The following NDE1 variants were observed in gnomAD, a reference collection of about 807,000 sequenced individuals.
NDE1 encodes nudE neurodevelopment protein 1.
In NDE1, 28 loss-of-function variants were observed where a neutral mutation model predicts 43.4. That is an observed-to-expected ratio of 0.65 (90% CI 0.48 to 0.89). The LOEUF is 0.89. NDE1 is among the 40% of genes least tolerant of loss of function. The pLI is 0.00. For missense variants in NDE1, 441 were observed against 434.1 expected, an observed-to-expected ratio of 1.02 and a Z score of -0.14; for synonymous variants, 184 against 172.0, an observed-to-expected ratio of 1.07 and a Z score of -0.55.
In NDE1 at chr16:15,667,631, TG is replaced by T. The variant is rs202059017; in HGVS notation, c.237+193del. 2.3e-4 allele frequency among the ~76,000 whole-genome samples: 33 copies of T among 142,256 alleles called. 5 individuals carry two copies. The highest frequency in any genetic ancestry group is 3.4e-4 in the African/African-American group (13 of 38,236). 93.3% of individuals were successfully genotyped at this position (142,256 alleles called of 152,430 possible). A position where few individuals can be genotyped will look rare whatever the true frequency, so the allele number is the denominator to read the frequency against. On this transcript the variant is annotated intron_variant, in intron 3 of 8. Transcript: ENST00000396354. The stretch of plus-strand genomic sequence containing the variant: ...CTCTAGTGGGTGGTGCTTTTTGTTT[TG>T]TTTTTTTTTTTTTTTTGAGATGGAG...
chr16:15,655,792 T>C (rs1277782120), intron 1 of NDE1, among the ~76,000 whole-genome samples: 2 of 151,890 alleles, frequency 1.3e-5, no homozygotes, highest in Admixed American at 6.6e-5. Flanking sequence ...TGGAATACTA[T>C]GCAGCCATAA....
At chr16:15,665,461 T>TG (rs2037254309) in intron 2 of NDE1, among the ~76,000 whole-genome samples, 2 of 151,926 alleles carry the variant, frequency 1.3e-5, no homozygotes, top group South Asian at 4.1e-4. Flanking sequence ...TCTTTTTTTT[T>TG]TGAGACAGAG....
chr16:15,693,729 C>T (rs2038869467), intron 6 of NDE1, among the ~76,000 whole-genome samples: 1 of 152,084 alleles, frequency 6.6e-6, no homozygotes, highest in African/African-American at 2.4e-5. Flanking sequence ...CATTTGAGGT[C>T]AAGAGTTCGA....
intron 8 of NDE1, among the ~76,000 whole-genome samples, chr16:15,711,939 T>C (rs1198909737): frequency 1.3e-5 from 2 of 152,186 alleles, no homozygotes; most frequent in African/African-American, 4.8e-5. Flanking sequence ...GTGATCAGCC[T>C]GCGTTGGCCT....
intron 8 of NDE1, among the ~76,000 whole-genome samples, chr16:15,698,063 A>G (rs1032745740): frequency 8.6e-5 from 13 of 152,022 alleles, no homozygotes; most frequent in African/African-American, 2.4e-4. Context: ...CGGCCTCTCA[A>G]AGTGCTGGGA....
Position 15,724,230 on chromosome 16 carries a change from C to T in NDE1, c.987C>T (p.Thr329=), listed in dbSNP as rs373591888. ...TSCRWLSKST[T]RSSSSC is the part of the protein sequence containing the mutation. ...GCCGCTGGTTGTCCAAATCAACAACCAGGTCGTCCAGCTCCTGCTGAAGCC... is the reference window on the plus strand; with the variant it reads ...GCCGCTGGTTGTCCAAATCAACAACTAGGTCGTCCAGCTCCTGCTGAAGCC... Residue 329 remains threonine, a synonymous_variant, in exon 9 of 9, where the codon ACC becomes ACT. Coordinates refer to ENST00000396354, the MANE Select transcript of NDE1 (RefSeq NM_017668.3). The T allele has an allele frequency of 4.3e-5, 69 of 1,614,082 alleles. No homozygotes were observed. The highest frequency in any genetic ancestry group is 9.9e-5 in the South Asian group (9 of 91,082).
At chr16:15,695,568 A>AGG in intron 7 of NDE1, 1 of 984,986 alleles carries the variant, frequency 1.0e-6, no homozygotes, top group Non-Finnish European at 1.2e-6. Context: ...TGTTAATTAC[A>AGG]GGGAGGGATC....
At chr16:15,679,185 C>G (rs972727267) in intron 4 of NDE1, among the ~76,000 whole-genome samples, 1 of 152,160 alleles carries the variant, frequency 6.6e-6, no homozygotes, top group Non-Finnish European at 1.5e-5. Context: ...GGCTGGAGGG[C>G]AGTGGTGCCA....
upstream of NDE1, among the ~76,000 whole-genome samples, chr16:15,645,569 C>G (rs2151378411): frequency 6.6e-6 from 1 of 152,288 alleles, no homozygotes; most frequent in South Asian, 2.1e-4. Context: ...TTGCTGCTTT[C>G]TAAAGACTAG....
chr16:15,706,965 T>C (rs1596669627), intron 8 of NDE1, among the ~76,000 whole-genome samples: 1 of 152,176 alleles, frequency 6.6e-6, no homozygotes, highest in African/African-American at 2.4e-5. Flanking sequence ...TAGACCAAGG[T>C]TGACACCAAC....
At chr16:15,659,588 C>T (rs2151420884) in intron 1 of NDE1, among the ~76,000 whole-genome samples, 1 of 151,478 alleles carries the variant, frequency 6.6e-6, no homozygotes, top group Non-Finnish European at 1.5e-5. Context: ...AGGCGCACAC[C>T]ACCATGCCCG....
intron 4 of NDE1, among the ~76,000 whole-genome samples, chr16:15,685,488 C>T (rs2038393548): frequency 1.3e-5 from 2 of 152,172 alleles, no homozygotes; most frequent in East Asian, 1.9e-4. Context: ...GGGCCTCAAG[C>T]GGTCCTCACA....
chr16:15,709,683 A>G (rs2039670644), intron 8 of NDE1, among the ~76,000 whole-genome samples: 3 of 152,206 alleles, frequency 2.0e-5, no homozygotes, highest in African/African-American at 7.2e-5. Flanking sequence ...TATAAATCCC[A>G]TGATTGCATA....
chr16:15,720,959 G>A (rs774986757), intron 8 of NDE1: 1 of 1,614,008 alleles, frequency 6.2e-7, no homozygotes, highest in South Asian at 1.1e-5. Context: ...CGTCCTCCGT[G>A]GCTTGCAGCT....
intron 1 of NDE1, among the ~76,000 whole-genome samples, chr16:15,660,211 C>T (rs1307089708): frequency 6.6e-6 from 1 of 152,090 alleles, no homozygotes; most frequent in African/African-American, 2.4e-5. Context: ...GGTGTGGTGG[C>T]TCACACCTAG....
In NDE1 at chr16:15,717,193, C is replaced by G; in HGVS notation, c.948-6998C>G. ...GCTGTGCAATCTTGGCCTCCAGCGC[C>G]GCGATGGTGGACTTGAACTTGGACT... On this transcript the variant is annotated intron_variant, in intron 8 of 8. Transcript: ENST00000396354. 6.2e-7 allele frequency: 1 copy of G among 1,614,180 alleles called. No homozygotes were observed. The highest frequency in any genetic ancestry group is 8.5e-7 in the Non-Finnish European group (1 of 1,180,038).
At position 15,667,485 on chromosome 16, in the gene NDE1, A is replaced by G. The variant is rs1456421042; in HGVS notation, c.237+46A>G. 8 of 1,608,848 alleles carry G rather than the reference A, an allele frequency of 5.0e-6. No individual in the cohort carries two copies. The Admixed American group carries it at 5.0e-5, about 10-fold the overall frequency. ...GTGCTCAGGTGTAGACAGGCGTCCA[A>G]CACAGGCATGGCATGCTTGGCTGGA... On this transcript the variant is annotated intron_variant, in intron 3 of 8. Coordinates refer to ENST00000396354, the MANE Select transcript of NDE1 (RefSeq NM_017668.3).
chr16:15,724,242 C>A lies in NDE1; in HGVS notation c.999C>A (p.Ser333Arg), dbSNP rs1435099547. The part of the protein sequence containing the change: ...WLSKSTTRSS[S>R]SC ...CCAAATCAACAACCAGGTCGTCCAG[C>A]TCCTGCTGAAGCCTGTTCTTGGTCT... Residue 333 changes from serine to arginine, a missense_variant, in exon 9 of 9, where the codon AGC (serine) becomes AGA (arginine). Ser to Arg is a moderately radical substitution (Grantham distance 110). Coordinates refer to ENST00000396354, the MANE Select transcript of NDE1 (RefSeq NM_017668.3). 2 of 1,614,206 alleles carry A rather than the reference C, an allele frequency of 1.2e-6. No individual in the cohort carries two copies. Among genetic ancestry groups the A allele is most frequent in the East Asian group, 4.5e-5 (2 of 44,882 alleles).
At chr16:15,681,630 TTGTC>T (rs1343061406) in intron 4 of NDE1, among the ~76,000 whole-genome samples, 2 of 152,188 alleles carry the variant, frequency 1.3e-5, no homozygotes, top group African/African-American at 4.8e-5. Context: ...TTTTATATAT[TTGTC>T]TGTGACATGA....
Sources: allele counts gnomAD v4.1 joint callset (sites outside exome capture counted in the v4.1 genomes callset), GRCh38; gene constraint gnomAD v4.1.1; transcripts MANE v1.5; gene names NCBI Gene and HGNC (gene_info 2026-07-23, HGNC 2026-07-21).